RABGAP1L: variants seen among roughly 807,000 people sequenced by gnomAD.
The protein encoded by RABGAP1L is rab GTPase-activating protein 1-like.
RABGAP1L carries 63 observed loss-of-function variants against 137.7 expected under a neutral mutation model. The observed-to-expected ratio is 0.46, with a 90% CI of 0.37 to 0.56. The LOEUF is 0.56. Ranked by LOEUF, RABGAP1L falls within the 20% of genes least tolerant of loss-of-function variation. RABGAP1L has a pLI of 0.00. For missense variants in RABGAP1L, 1,095 were observed against 1,244.0 expected, an observed-to-expected ratio of 0.88 and a Z score of 1.80; for synonymous variants, 431 against 433.7, an observed-to-expected ratio of 0.99 and a Z score of 0.08.
rs143730806 is a variant in RABGAP1L at position 174,327,909 on chromosome 1, A to G, written c.1465+22782A>G. Among the ~76,000 whole-genome samples the G allele has an allele frequency of 7.4e-3, 1,086 of 147,100 alleles. 16 individuals are homozygous for G. Among genetic ancestry groups the G allele is most frequent in the African/African-American group, 0.026 (1,042 of 39,754 alleles). On this transcript the variant is annotated intron_variant, in intron 11 of 25. Coordinates refer to ENST00000681986, the MANE Select transcript of RABGAP1L (RefSeq NM_001366446.1). ...AGAAAAAGAGGCAAACAGGGCCATT[A>G]TGTAATGTTAAAGGGGACAGTAGAG... is the stretch of plus-strand genomic sequence containing the variant.
intron 14 of RABGAP1L, among the ~76,000 whole-genome samples, chr1:174,637,756 C>G (rs2148343545): frequency 1.3e-5 from 2 of 152,262 alleles, no homozygotes; most frequent in African/African-American, 4.8e-5. Context: ...TCCTCTGAGG[C>G]TATGCTATAA....
chr1:174,289,193 A>T (rs1358793286), intron 10 of RABGAP1L, among the ~76,000 whole-genome samples: 3 of 152,064 alleles, frequency 2.0e-5, no homozygotes, highest in Non-Finnish European at 2.9e-5. Flanking sequence ...ATGGGCCACC[A>T]CACCCACCTA....
chr1:174,489,267 G>A lies in RABGAP1L; in HGVS notation c.1710+95122G>A, dbSNP rs571154234. On this transcript the variant is annotated intron_variant, in intron 13 of 25. Transcript: ENST00000681986. ...ACCTACAGAATGGGAGAAAATTTTT[G>A]CAATCTACCCATCTGACAAAGGGCT... Among the ~76,000 whole-genome samples, 8 of 152,154 alleles carry A rather than the reference G, an allele frequency of 5.3e-5. No homozygotes were observed. The South Asian group carries it at 1.7e-3, about 32-fold the overall frequency.
chr1:174,808,268 T>G (rs1689521086), intron 18 of RABGAP1L, among the ~76,000 whole-genome samples: 1 of 152,080 alleles, frequency 6.6e-6, no homozygotes, highest in Non-Finnish European at 1.5e-5. Context: ...ATTACAGGCA[T>G]GAGCTACCGT....
intron 11 of RABGAP1L, among the ~76,000 whole-genome samples, chr1:174,368,746 C>T (rs1023895362): frequency 3.3e-5 from 5 of 151,870 alleles, no homozygotes; most frequent in African/African-American, 9.7e-5. Flanking sequence ...TACTCTATAC[C>T]GTCATAGATT....
chr1:174,212,528 T>C (rs535283799), intron 1 of RABGAP1L, among the ~76,000 whole-genome samples: 1 of 152,068 alleles, frequency 6.6e-6, no homozygotes, highest in East Asian at 1.9e-4. Flanking sequence ...AAAACATATA[T>C]GATACAGCTA....
chr1:174,221,256 T>A, intron 3 of RABGAP1L, 92 bp downstream of exon 3: 1 of 1,009,830 alleles, frequency 9.9e-7, no homozygotes, highest in Non-Finnish European at 1.4e-6. Context: ...TTGTTAGCTC[T>A]TCTCAAGCTT....
chr1:174,890,233 G>T (rs1226167136), intron 19 of RABGAP1L, among the ~76,000 whole-genome samples: 1 of 152,224 alleles, frequency 6.6e-6, no homozygotes, highest in Non-Finnish European at 1.5e-5. Context: ...GTATGAGTCA[G>T]TGATGTGAGC....
intron 13 of RABGAP1L, among the ~76,000 whole-genome samples, chr1:174,551,046 A>G (rs1008271907): frequency 7.0e-6 from 1 of 141,864 alleles, no homozygotes; most frequent in Non-Finnish European, 1.5e-5. Flanking sequence ...ACATATATAT[A>G]TACACACAAA....
chr1:174,473,818 C>CA (rs901235021), intron 13 of RABGAP1L, among the ~76,000 whole-genome samples: 25 of 152,306 alleles, frequency 1.6e-4, no homozygotes, highest in African/African-American at 4.8e-4. Context: ...AAAGCTCCTG[C>CA]AGAGAATCTT....
At chr1:174,415,836 A>G (rs1297312356) in intron 13 of RABGAP1L, among the ~76,000 whole-genome samples, 1 of 151,820 alleles carries the variant, frequency 6.6e-6, no homozygotes, top group Non-Finnish European at 1.5e-5. Context: ...TCAAAGCTCA[A>G]GTATTTGCAG....
At chr1:174,988,940 T>A in intron 25 of RABGAP1L, 102 bp downstream of exon 25, 3 of 1,066,902 alleles carry the variant, frequency 2.8e-6, no homozygotes, top group Non-Finnish European at 3.8e-6. Context: ...AATTGTATGA[T>A]GAATACATTT....
chr1:174,708,167 A>G (rs1680190966), intron 17 of RABGAP1L, among the ~76,000 whole-genome samples: 3 of 152,222 alleles, frequency 2.0e-5, no homozygotes, highest in Admixed American at 1.3e-4. Flanking sequence ...ACAGTACTAC[A>G]TTATTTGATT....
At chr1:174,656,743 C>A (rs1201189354) in intron 14 of RABGAP1L, among the ~76,000 whole-genome samples, 2 of 152,240 alleles carry the variant, frequency 1.3e-5, no homozygotes, top group South Asian at 2.1e-4. Context: ...AGTTTGTATT[C>A]TTTGTCATGT....
intron 19 of RABGAP1L, chr1:174,897,613 G>A (rs1257288908): frequency 6.6e-6 from 1 of 152,170 alleles, no homozygotes; most frequent in Non-Finnish European, 1.5e-5. Context: ...TGCTTCTGTA[G>A]ATTCAGTCTT....
intron 14 of RABGAP1L, among the ~76,000 whole-genome samples, chr1:174,682,557 A>G (rs564836388): frequency 2.0e-5 from 3 of 152,174 alleles, no homozygotes; most frequent in Admixed American, 6.5e-5. Flanking sequence ...AAACTTTTAC[A>G]GAAAAAGCTT....
intron 17 of RABGAP1L, among the ~76,000 whole-genome samples, chr1:174,737,197 A>C (rs1683028828): frequency 6.6e-6 from 1 of 152,152 alleles, no homozygotes; most frequent in Non-Finnish European, 1.5e-5. Flanking sequence ...TATAGGTTCC[A>C]GTTTTAAGTC....
chr1:174,696,561 A>G (rs1455398174), intron 15 of RABGAP1L, among the ~76,000 whole-genome samples: 1 of 152,144 alleles, frequency 6.6e-6, no homozygotes, highest in Non-Finnish European at 1.5e-5. Context: ...TTAGTCTACC[A>G]GGGGGCTTCC....
intron 14 of RABGAP1L, among the ~76,000 whole-genome samples, chr1:174,683,281 C>T (rs1318950088): frequency 1.3e-5 from 2 of 151,908 alleles, no homozygotes; most frequent in Non-Finnish European, 2.9e-5. Flanking sequence ...CTCTGAGCAT[C>T]TCTTTATTTC....
Sources: gnomAD v4.1 joint callset for allele counts (sites outside exome capture counted in the v4.1 genomes callset) on GRCh38, gnomAD v4.1.1 for gene constraint, MANE v1.5 for transcripts, NCBI Gene and HGNC (gene_info 2026-07-23, HGNC 2026-07-21) for gene names.